The following FAAH2 variants were observed in gnomAD, a reference collection of about 807,000 sequenced individuals.
The protein encoded by FAAH2 is fatty acid amide hydrolase 2.
In FAAH2, 60 loss-of-function variants were observed where a neutral mutation model predicts 36.9. The ratio of observed to expected loss-of-function variants is 1.63; its 90% confidence interval spans 1.32 to 2.02. FAAH2 has a LOEUF of 2.02. Among genes scored for constraint, FAAH2 ranks in the 30% most tolerant of loss-of-function variants. FAAH2 has a pLI of 0.00. For synonymous variants in FAAH2, 214 were observed against 143.8 expected, an observed-to-expected ratio of 1.49 and a Z score of -3.49; for missense variants, 689 against 397.5, an observed-to-expected ratio of 1.73 and a Z score of -6.23.
the FAAH2 span, among the ~76,000 whole-genome samples, chrX:57,195,296 T>A: frequency 8.9e-6 from 1 of 111,917 alleles, no homozygotes; most frequent in Non-Finnish European, 1.9e-5. Context: ...TTTTAAATTA[T>A]CGCCATTCTT....
chrX:57,434,861 T>C lies in FAAH2; in HGVS notation c.1116+2824T>C, dbSNP rs190935436. Among the ~76,000 whole-genome samples, 469 of 111,374 alleles carry C rather than the reference T, an allele frequency of 4.2e-3. 3 individuals are homozygous for C. The highest frequency in any genetic ancestry group is 0.015 in the African/African-American group (450 of 30,710). The stretch of plus-strand genomic sequence containing the variant: ...AAAGTCAACATAAAAGAAATACTTC[T>C]ATGATCAGCAAGAAAAATGCATCTA... On this transcript the variant is annotated intron_variant, in intron 8 of 10. Transcript: ENST00000374900.
chrX:57,268,992 C>T, the FAAH2 span, among the ~76,000 whole-genome samples: 1 of 111,271 alleles, frequency 9.0e-6, no homozygotes. Flanking sequence ...TTCAAGAGCC[C>T]TATCTCATAT....
the FAAH2 span, among the ~76,000 whole-genome samples, chrX:57,159,148 G>A: frequency 1.8e-5 from 2 of 111,907 alleles, no homozygotes; most frequent in East Asian, 5.6e-4. Flanking sequence ...TCAGATAGTT[G>A]TAGATGTGTG....
chrX:57,467,386 C>G (rs1014654301), intron 10 of FAAH2, among the ~76,000 whole-genome samples: 1 of 111,315 alleles, frequency 9.0e-6, no homozygotes, highest in African/African-American at 3.3e-5. Context: ...CCTTGAAAAT[C>G]GGGTCACTCC....
At chrX:57,333,677 G>A (rs756293975) in intron 4 of FAAH2, among the ~76,000 whole-genome samples, 18 of 110,774 alleles carry the variant, frequency 1.6e-4, no homozygotes, top group Non-Finnish European at 3.0e-4. Flanking sequence ...GGAAACCTTC[G>A]GTGATGTGGA....
chrX:57,425,340 T>C (rs976193799), intron 7 of FAAH2, among the ~76,000 whole-genome samples: 1 of 111,474 alleles, frequency 9.0e-6, no homozygotes, highest in African/African-American at 3.3e-5. Flanking sequence ...TAGTAAAAGG[T>C]CTAGATATCC....
At chrX:57,131,036 G>A in the FAAH2 span, among the ~76,000 whole-genome samples, 1 of 110,970 alleles carries the variant, frequency 9.0e-6, no homozygotes, top group African/African-American at 3.3e-5. Context: ...GAGTGTGAGA[G>A]GAGTTGGACA....
intron 10 of FAAH2, among the ~76,000 whole-genome samples, chrX:57,485,543 G>A (rs1357645026): frequency 8.9e-6 from 1 of 111,898 alleles, no homozygotes; most frequent in Admixed American, 9.5e-5. Context: ...CCTAGCCCAG[G>A]GGAAGGAGGG....
At chrX:57,250,083 G>A in the FAAH2 span, among the ~76,000 whole-genome samples, 1 of 111,844 alleles carries the variant, frequency 8.9e-6, no homozygotes, top group Non-Finnish European at 1.9e-5. Context: ...TTATTTAGAT[G>A]GCATTTAAAA....
the FAAH2 span, among the ~76,000 whole-genome samples, chrX:57,186,391 T>C: frequency 8.9e-6 from 1 of 112,184 alleles, no homozygotes; most frequent in East Asian, 2.8e-4. Flanking sequence ...TCTGTACATA[T>C]CCCTTACCCA....
intron 8 of FAAH2, among the ~76,000 whole-genome samples, chrX:57,441,910 A>T (rs1344238913): frequency 6.3e-5 from 7 of 111,271 alleles, no homozygotes; most frequent in Admixed American, 9.6e-5. Flanking sequence ...TCCATATGGT[A>T]GAGCTGTTTT....
intron 3 of FAAH2, among the ~76,000 whole-genome samples, chrX:57,312,036 G>A (rs1013127698): frequency 4.5e-5 from 5 of 112,286 alleles, no homozygotes; most frequent in African/African-American, 1.6e-4. Flanking sequence ...GGTCCATAGA[G>A]TGTGGCATAT....
chrX:57,353,487 T>TAA (rs3035714), intron 5 of FAAH2, among the ~76,000 whole-genome samples: 6,079 of 83,715 alleles, frequency 0.073, 200 homozygotes, highest in Non-Finnish European at 0.083. Context: ...CCCAAATTAT[T>TAA]AAAAAAAAAA....
intron 8 of FAAH2, among the ~76,000 whole-genome samples, chrX:57,443,974 GCT>G (rs1230023992): frequency 8.9e-6 from 1 of 111,854 alleles, no homozygotes; most frequent in Non-Finnish European, 1.9e-5. Context: ...TCCTCTGGAA[GCT>G]TCATCTCAGG....
chrX:57,223,741 C>T, the FAAH2 span, among the ~76,000 whole-genome samples: 5 of 112,000 alleles, frequency 4.5e-5, no homozygotes, highest in South Asian at 3.7e-4. Context: ...TTCCCAACAA[C>T]TTCAGAAGGT....
chrX:57,385,229 T>A (rs1202139089), intron 7 of FAAH2, among the ~76,000 whole-genome samples: 1 of 104,623 alleles, frequency 9.6e-6, no homozygotes, highest in African/African-American at 3.5e-5. Context: ...TGTATACATA[T>A]GTAACAAACC....
At chrX:57,267,101 T>C in the FAAH2 span, among the ~76,000 whole-genome samples, 50,421 of 111,306 alleles carry the variant, frequency 0.45, 11,351 homozygotes, top group African/African-American at 0.88. Context: ...ACCATGCCTG[T>C]CCCATGGAAA....
chrX:57,487,438 C>A (rs1055748768), intron 10 of FAAH2, among the ~76,000 whole-genome samples: 1 of 111,604 alleles, frequency 9.0e-6, no homozygotes, highest in Non-Finnish European at 1.9e-5. Context: ...AATAATAAGA[C>A]GATAACCCAA....
the FAAH2 span, chrX:57,127,347 A>G: frequency 4.5e-5 from 5 of 111,311 alleles, no homozygotes; most frequent in African/African-American, 9.8e-5. Context: ...GTAAAAAGGC[A>G]TCATTCTAAT....
Sources: gnomAD v4.1 joint callset for allele counts (sites outside exome capture counted in the v4.1 genomes callset) on GRCh38, gnomAD v4.1.1 for gene constraint, MANE v1.5 for transcripts, NCBI Gene and HGNC (gene_info 2026-07-23, HGNC 2026-07-21) for gene names.